CNOT6: variants seen among roughly 807,000 people sequenced by gnomAD.
CNOT6 encodes CCR4-NOT transcription complex subunit 6, also known as carbon catabolite repression 4 protein.
In CNOT6, 12 loss-of-function variants were observed where a neutral mutation model predicts 61.2. The ratio of observed to expected loss-of-function variants is 0.20; its 90% CI spans 0.13 to 0.32. The LOEUF is 0.32. Ranked by LOEUF, CNOT6 falls within the 10% of genes least tolerant of loss-of-function variation. The pLI, the probability that CNOT6 is intolerant of heterozygous loss-of-function variation, is 1.00. For synonymous variants in CNOT6, 225 were observed against 240.6 expected, an observed-to-expected ratio of 0.94 and a Z score of 0.60; for missense variants, 405 against 663.9, an observed-to-expected ratio of 0.61 and a Z score of 4.28.
chr5:180,542,769 T>C (rs1267403139), intron 2 of CNOT6, among the ~76,000 whole-genome samples: 1 of 152,322 alleles, frequency 6.6e-6, no homozygotes, highest in South Asian at 2.1e-4. Flanking sequence ...ACAGGGCTCT[T>C]AACATAGGTC....
At chr5:180,510,134 C>CTTT (rs56899929) in intron 1 of CNOT6, among the ~76,000 whole-genome samples, 855 of 37,358 alleles carry the variant, frequency 0.023, 87 homozygotes, top group African/African-American at 0.027. Flanking sequence ...GTCTGTAAAC[C>CTTT]TTTTTTTTTT....
rs373787258 is a variant in CNOT6 at position 180,564,741 on chromosome 5, C to T, written c.557C>T (p.Thr186Ile). The T allele has an allele frequency of 6.2e-7, 1 of 1,611,440 alleles. No homozygotes were observed. Among genetic ancestry groups the T allele is most frequent in the African/African-American group, 1.3e-5 (1 of 74,856 alleles). The change falls in exon 6 of 12, where the codon ACT becomes ATT. Residue 186 changes from threonine to isoleucine, a missense_variant and splice_region_variant. By Grantham distance (89) the Thr-to-Ile change is moderately conservative. Transcript: ENST00000261951. Reference protein sequence around the residue: ...MLQEPDRTRPTALFSVMCYNV... With the variant: ...MLQEPDRTRPIALFSVMCYNV... ...CAAGAACCAGATAGGACAAGGCCAA[C>T]TGGTTGGTAGTCTTTTATTTTTTAA...
At chr5:180,540,332 C>A (rs764447450) in intron 2 of CNOT6, among the ~76,000 whole-genome samples, 1 of 152,074 alleles carries the variant, frequency 6.6e-6, no homozygotes, top group Non-Finnish European at 1.5e-5. Flanking sequence ...ACATTTAATG[C>A]AGTTATTGAT....
chr5:180,559,477 T>C (rs930076439), intron 4 of CNOT6, among the ~76,000 whole-genome samples: 1 of 152,216 alleles, frequency 6.6e-6, no homozygotes, highest in African/African-American at 2.4e-5. Flanking sequence ...CATTCCTTTC[T>C]TGCCTCTATT....
At chr5:180,531,106 C>T (rs529456299) in intron 2 of CNOT6, among the ~76,000 whole-genome samples, 156 of 151,510 alleles carry the variant, frequency 1.0e-3, no homozygotes, top group Non-Finnish European at 1.8e-3. Context: ...GGGTGGCGGC[C>T]GGGCAGAGGG....
chr5:180,528,466 A>G (rs1261815926), intron 1 of CNOT6, among the ~76,000 whole-genome samples: 2 of 150,244 alleles, frequency 1.3e-5, no homozygotes, highest in African/African-American at 4.9e-5. Flanking sequence ...GCCTGCCACC[A>G]TGCCCGGCTA....
At chr5:180,518,710 A>G (rs1172925040) in intron 1 of CNOT6, among the ~76,000 whole-genome samples, 1 of 152,228 alleles carries the variant, frequency 6.6e-6, no homozygotes, top group Non-Finnish European at 1.5e-5. Context: ...TTTGTTGCCC[A>G]GGCTGGTCTC....
chr5:180,516,398 T>G (rs1054601307), intron 1 of CNOT6, among the ~76,000 whole-genome samples: 5 of 152,118 alleles, frequency 3.3e-5, no homozygotes, highest in African/African-American at 7.2e-5. Flanking sequence ...GCCAGGATGG[T>G]CTCGATCTCC....
chr5:180,525,078 A>G (rs937250187), intron 1 of CNOT6, among the ~76,000 whole-genome samples: 2 of 152,174 alleles, frequency 1.3e-5, no homozygotes, highest in South Asian at 4.1e-4. Flanking sequence ...TTTGTATTGA[A>G]TATTTTTTTA....
At chr5:180,533,732 CTTAT>C (rs1336645751) in intron 2 of CNOT6, among the ~76,000 whole-genome samples, 1 of 152,160 alleles carries the variant, frequency 6.6e-6, no homozygotes, top group African/African-American at 2.4e-5. Context: ...GCTTCTTTAA[CTTAT>C]TTATTTCATT....
At chr5:180,543,196 C>CT (rs1759133075) in intron 2 of CNOT6, among the ~76,000 whole-genome samples, 3 of 152,088 alleles carry the variant, frequency 2.0e-5, no homozygotes, top group Admixed American at 6.6e-5. Context: ...GTAGCTGGGA[C>CT]TACAGGTGCC....
intron 11 of CNOT6, among the ~76,000 whole-genome samples, chr5:180,572,523 T>C (rs984451080): frequency 2.6e-5 from 4 of 151,970 alleles, no homozygotes; most frequent in African/African-American, 7.3e-5. Context: ...AGTGATTGTT[T>C]AGGGCTGTCA....
chr5:180,567,057 T>C, intron 7 of CNOT6, 31 bp from the exon 8 acceptor site: 5 of 1,574,964 alleles, frequency 3.2e-6, no homozygotes, highest in Non-Finnish European at 4.3e-6. Flanking sequence ...TTTTGTCTTA[T>C]GAAATAACTG....
intron 1 of CNOT6, among the ~76,000 whole-genome samples, chr5:180,522,695 CTGGAGTGCAGTGG>C (rs1757930720): frequency 6.6e-6 from 1 of 152,074 alleles, no homozygotes; most frequent in Non-Finnish European, 1.5e-5. Context: ...CTTGCCCACG[CTGGAGTGCAGTGG>C]TGTTATCTCT....
At chr5:180,541,755 G>T (rs71613466) in intron 2 of CNOT6, among the ~76,000 whole-genome samples, 34 of 151,538 alleles carry the variant, frequency 2.2e-4, no homozygotes, top group African/African-American at 8.0e-4. Context: ...CCCGGCCAGA[G>T]AAATTTTTTT....
rs1554104989 is a variant in CNOT6 at position 180,577,163 on chromosome 5, A to ATTGTGTGTGTGTGTG, written c.*2964_*2965insTGTGTGTGTGTGTGT. On this transcript the variant is annotated 3_prime_UTR_variant, in exon 12 of 12. Transcript: ENST00000261951. ...AGATAGGCAGAGAACATCTCCAGAAATGTGTGTGTGTGTGTGTGTGTGTGT... is the reference window on the plus strand; with the variant it reads ...AGATAGGCAGAGAACATCTCCAGAAATTGTGTGTGTGTGTGTGTGTGTGTGTGTGTGTGTGTGTGT... 6.2e-5 allele frequency: 9 copies of ATTGTGTGTGTGTGTG among 145,656 alleles called. No homozygotes were observed. Among genetic ancestry groups the ATTGTGTGTGTGTGTG allele is most frequent in the Non-Finnish European group, 1.1e-4 (7 of 66,402 alleles). The allele number at this position is 145,656 out of a possible 1,614,324, so 9.0% of individuals were successfully genotyped here.
chr5:180,501,087 G>A (rs561523855), intron 1 of CNOT6, among the ~76,000 whole-genome samples: 1 of 152,264 alleles, frequency 6.6e-6, no homozygotes, highest in African/African-American at 2.4e-5. Flanking sequence ...AAAGTGTTGA[G>A]ATTTCCTGTA....
chr5:180,522,180 A>G (rs1181272957), intron 1 of CNOT6, among the ~76,000 whole-genome samples: 2 of 152,148 alleles, frequency 1.3e-5, no homozygotes, highest in South Asian at 2.1e-4. Context: ...GCTGGAGTGC[A>G]GTGGTGTGAT....
At chr5:180,560,779 G>C (rs1760130207) in intron 4 of CNOT6, among the ~76,000 whole-genome samples, 1 of 152,154 alleles carries the variant, frequency 6.6e-6, no homozygotes, top group African/African-American at 2.4e-5. Flanking sequence ...CATATTGTGA[G>C]AATCTTCAGC....
Sources: allele counts gnomAD v4.1 joint callset (sites outside exome capture counted in the v4.1 genomes callset), GRCh38; gene constraint gnomAD v4.1.1; transcripts MANE v1.5; gene names NCBI Gene and HGNC (gene_info 2026-07-23, HGNC 2026-07-21).